The following C19orf25 variants were observed in gnomAD, a reference collection of about 807,000 sequenced individuals.
C19orf25 encodes the protein chromosome 19 open reading frame 25.
Under a neutral mutation model 3.1 loss-of-function variants are expected in C19orf25, and 1 was observed. The ratio of observed to expected loss-of-function variants is 0.32; its 90% CI spans 0.12 to 1.54. The LOEUF (loss-of-function observed/expected upper bound fraction) is 1.54, where lower values mean the gene tolerates loss of function less well. Among genes scored for constraint, C19orf25 ranks in the 40% most tolerant of loss-of-function variants. The pLI is 0.38. For synonymous variants in C19orf25, 91 were observed against 74.3 expected (o/e 1.23, Z -1.16); for missense variants, 196 against 160.4 (o/e 1.22, Z -1.20).
In C19orf25 at chr19:1,475,603, C is replaced by T. The variant is rs150324833; in HGVS notation, c.131-345G>A. ...TCTCTGGAGGCAGAGGCAGGAGGAT[C>T]GCTTGAGACTGGGAGGCCGAGGCTG... On this transcript the variant is annotated intron_variant, in intron 2 of 2. Coordinates refer to ENST00000585675, the MANE Select transcript of C19orf25 (RefSeq NM_152482.3). 591 of 258,166 alleles carry T rather than the reference C, an allele frequency of 2.3e-3. 3 individuals carry two copies. Among genetic ancestry groups the T allele is most frequent in the Middle Eastern group, 4.8e-3 (9 of 1,890 alleles). The allele number at this position is 258,166 out of a possible 1,614,324, so 16.0% of individuals were successfully genotyped here. A position where few individuals can be genotyped will look rare whatever the true frequency, so the allele number is the denominator to read the frequency against.
Position 1,479,206 on chromosome 19 carries a change from T to C in C19orf25, c.-46A>G, listed in dbSNP as rs994015705. The C allele has an allele frequency of 5.7e-6, 7 of 1,233,360 alleles. No homozygotes were observed. The highest frequency in any genetic ancestry group is 7.1e-6 in the Non-Finnish European group (7 of 984,866). 76.4% of individuals were successfully genotyped at this position (1,233,360 alleles called of 1,614,324 possible). ...AGCCCAGCGTCGACGACGCAGCCAC[T>C]TCCGATTCCGGTCGGAGCACCGCCC... On this transcript the variant is annotated 5_prime_UTR_variant, in exon 1 of 3. Transcript: ENST00000585675.
At chr19:1,478,934 G>A (rs774884778) in intron 1 of C19orf25, 29 bp from the exon 2 acceptor site, 5 of 1,566,284 alleles carry the variant, frequency 3.2e-6, no homozygotes, top group Non-Finnish European at 4.3e-6. Flanking sequence ...GCGCTGACCG[G>A]GGCGTCCACC....
chr19:1,474,759 A>T lies in C19orf25; in HGVS notation c.*273T>A. On this transcript the variant is annotated 3_prime_UTR_variant, in exon 3 of 3. Transcript: ENST00000585675. The stretch of plus-strand genomic sequence containing the variant: ...AGCACGGCCACTGTGAGCTGACGAC[A>T]GAATCACAGTACAGCAATAATGTCC... The T allele has an allele frequency of 7.1e-7, 1 of 1,416,516 alleles. No individual in the cohort carries two copies. Among genetic ancestry groups the T allele is most frequent in the Non-Finnish European group, 9.2e-7 (1 of 1,082,638 alleles). 87.7% of individuals were successfully genotyped at this position (1,416,516 alleles called of 1,614,324 possible). A position where few individuals can be genotyped will look rare whatever the true frequency, so the allele number is the denominator to read the frequency against.
In C19orf25 at chr19:1,474,752, TGAC is replaced by T. The variant is rs2145284654; in HGVS notation, c.*277_*279del. Reference sequence around the variant, plus strand: ...ACTGCAGAGCACGGCCACTGTGAGCTGACGACAGAATCACAGTACAGCAATAAT... The same window carrying T: ...ACTGCAGAGCACGGCCACTGTGAGCTGACAGAATCACAGTACAGCAATAAT... On this transcript the variant is annotated 3_prime_UTR_variant, in exon 3 of 3. Transcript: ENST00000585675. The T allele has an allele frequency of 7.1e-7, 1 of 1,412,558 alleles. No homozygotes were observed. The highest frequency in any genetic ancestry group is 2.5e-5 in the East Asian group (1 of 39,676). 87.5% of individuals were successfully genotyped at this position (1,412,558 alleles called of 1,614,324 possible).
chr19:1,474,675 C>CGAGT lies in C19orf25; in HGVS notation c.*353_*356dup. On this transcript the variant is annotated 3_prime_UTR_variant, in exon 3 of 3. Transcript: ENST00000585675. The stretch of plus-strand genomic sequence containing the variant: ...ACACCTGGACTCAGAAGTGGACAGG[C>CGAGT]GAGTGCCTGCCCCGGGAGAGGAAGG... 2 of 804,124 alleles carry CGAGT rather than the reference C, an allele frequency of 2.5e-6. No homozygotes were observed. Among genetic ancestry groups the CGAGT allele is most frequent in the South Asian group, 4.3e-5 (2 of 46,180 alleles). The allele number at this position is 804,124 out of a possible 1,614,324, so 49.8% of individuals were successfully genotyped here.
chr19:1,475,873 C>A (rs2084200617), intron 2 of C19orf25: 1 of 254,080 alleles, frequency 3.9e-6, no homozygotes, highest in East Asian at 6.8e-5. Flanking sequence ...CTCCTGGGGG[C>A]GGGGCTTCCA....
At position 1,475,219 on chromosome 19, in the gene C19orf25, G is replaced by A; in HGVS notation, c.170C>T (p.Ala57Val). ...TTGCTGGTAGAGCTGCTCTCCCGGG[G>A]CCTCCGCATCCTCCATCATCCTGAA... Reference protein sequence around the residue: ...VPFRMMEDAEAPGEQLYQQSR... With the variant: ...VPFRMMEDAEVPGEQLYQQSR... Residue 57 changes from alanine to valine, a missense_variant, in exon 3 of 3, where the codon GCC (alanine) becomes GTC (valine). Ala to Val is a moderately conservative substitution (Grantham distance 64). Coordinates refer to ENST00000585675, the MANE Select transcript of C19orf25 (RefSeq NM_152482.3). 2 of 1,561,806 alleles carry A rather than the reference G, an allele frequency of 1.3e-6. No individual in the cohort carries two copies. Among genetic ancestry groups the A allele is most frequent in the South Asian group, 1.2e-5 (1 of 84,796 alleles).
chr19:1,479,030 T>TA, intron 1 of C19orf25, 125 bp from the exon 2 acceptor site: 3 of 1,181,766 alleles, frequency 2.5e-6, no homozygotes, highest in Non-Finnish European at 3.4e-6. Context: ...GCCCGCCCTG[T>TA]CCCGCCCCTC....
In C19orf25 at chr19:1,478,856, C is replaced by T; in HGVS notation, c.48G>A (p.Ala16=). ...KKRVLLPTRP[A]PPTVEQILED... ...CCAGGATCTGCTCCACCGTGGGGGG[C>T]GCTGGGCGGGTGGGCAGCAGCACGC... is the stretch of plus-strand genomic sequence containing the variant. Residue 16 remains alanine, a synonymous_variant, in exon 2 of 3, where the codon GCG becomes GCA. Coordinates refer to ENST00000585675, the MANE Select transcript of C19orf25 (RefSeq NM_152482.3). 2 of 1,593,546 alleles carry T rather than the reference C, an allele frequency of 1.3e-6. No individual in the cohort carries two copies. Among genetic ancestry groups the T allele is most frequent in the South Asian group, 1.1e-5 (1 of 87,998 alleles).
Position 1,474,831 on chromosome 19 carries a change from G to A in C19orf25, c.*201C>T, listed in dbSNP as rs759429767. Reference sequence around the variant, plus strand: ...GTGGGGCCCTCAGGTCACGCAGGACGGAGCCAGCTGGGTGGGTCCCACCAA... The same window carrying A: ...GTGGGGCCCTCAGGTCACGCAGGACAGAGCCAGCTGGGTGGGTCCCACCAA... On this transcript the variant is annotated 3_prime_UTR_variant, in exon 3 of 3. Coordinates refer to ENST00000585675, the MANE Select transcript of C19orf25 (RefSeq NM_152482.3). The A allele has an allele frequency of 3.2e-5, 47 of 1,460,034 alleles. No homozygotes were observed. Among genetic ancestry groups the A allele is most frequent in the African/African-American group, 9.9e-5 (7 of 70,702 alleles). The allele number at this position is 1,460,034 out of a possible 1,614,324, so 90.4% of individuals were successfully genotyped here. A position where few individuals can be genotyped will look rare whatever the true frequency, so the allele number is the denominator to read the frequency against.
At chr19:1,479,018 A>G in intron 1 of C19orf25, 113 bp from the exon 2 acceptor site, 11 of 1,415,308 alleles carry the variant, frequency 7.8e-6, no homozygotes, top group Non-Finnish European at 9.2e-6. Context: ...GCTCCCGGGG[A>G]AGCCCGCCCT....
At chr19:1,477,548 C>T (rs2145290252) in intron 2 of C19orf25, among the ~76,000 whole-genome samples, 1 of 152,340 alleles carries the variant, frequency 6.6e-6, no homozygotes, top group Admixed American at 6.5e-5. Flanking sequence ...GACAAGCTTT[C>T]CTGCCAAAGG....
intron 1 of C19orf25, 122 bp from the exon 2 acceptor site, chr19:1,479,027 C>CAG: frequency 7.1e-7 from 1 of 1,401,226 alleles, no homozygotes; most frequent in Non-Finnish European, 9.3e-7. Context: ...GAAGCCCGCC[C>CAG]TGTCCCGCCC....
intron 2 of C19orf25, chr19:1,476,129 T>C: frequency 2.5e-6 from 1 of 398,580 alleles, no homozygotes; most frequent in Non-Finnish European, 4.4e-6. Context: ...CCCCCACGTA[T>C]GCAAGCCCAG....
At chr19:1,475,486 G>C in intron 2 of C19orf25, 1 of 542,644 alleles carries the variant, frequency 1.8e-6, no homozygotes, top group East Asian at 2.9e-5. Flanking sequence ...TTAGAGACCA[G>C]CCTGGACAAC....
chr19:1,475,735 A>T (rs2084199301), intron 2 of C19orf25: 1 of 176,888 alleles, frequency 5.7e-6, no homozygotes, highest in Non-Finnish European at 1.2e-5. Context: ...TTCCTCGTCC[A>T]TCAGCTGGGA....
chr19:1,478,405 T>TA (rs1299533933), intron 2 of C19orf25: 1 of 448,944 alleles, frequency 2.2e-6, no homozygotes, highest in Non-Finnish European at 3.7e-6. Flanking sequence ...TATGCCCAGC[T>TA]AACTCTGTTT....
In C19orf25 at chr19:1,473,504, C is replaced by T. The variant is rs2084170929; in HGVS notation, c.*1528G>A. Reference sequence around the variant, plus strand: ...CAGCACCCCAGACAGGGGGTCCAACCTGGGCATTGGTACCTGGGCCAGTTA... The same window carrying T: ...CAGCACCCCAGACAGGGGGTCCAACTTGGGCATTGGTACCTGGGCCAGTTA... On this transcript the variant is annotated 3_prime_UTR_variant, in exon 3 of 3. Transcript: ENST00000585675. 6.6e-6 allele frequency: 1 copy of T among 152,294 alleles called. No individual in the cohort carries two copies. Among genetic ancestry groups the T allele is most frequent in the Admixed American group, 6.5e-5 (1 of 15,288 alleles). 9.4% of individuals were successfully genotyped at this position (152,294 alleles called of 1,614,324 possible).
chr19:1,478,245 A>ATTTTTT (rs543535192), intron 2 of C19orf25, among the ~76,000 whole-genome samples: 1 of 140,410 alleles, frequency 7.1e-6, no homozygotes, highest in South Asian at 2.3e-4. Flanking sequence ...ACACCCAGTA[A>ATTTTTT]TTTTTTTTTT....
Sources: gnomAD v4.1 joint callset for allele counts (sites outside exome capture counted in the v4.1 genomes callset) on GRCh38, gnomAD v4.1.1 for gene constraint, MANE v1.5 for transcripts, NCBI Gene and HGNC (gene_info 2026-07-23, HGNC 2026-07-21) for gene names.